RDX: variants seen among roughly 807,000 people sequenced by gnomAD.
RDX encodes deafness, autosomal recessive 24.
A neutral mutation model predicts 83.7 loss-of-function variants in RDX; 32 were observed. That is an observed-to-expected ratio of 0.38 (90% CI 0.29 to 0.51). RDX has a LOEUF of 0.51. Ranked by LOEUF, RDX falls within the 20% of genes least tolerant of loss-of-function variation. The pLI is 0.87. For synonymous variants in RDX, 229 were observed against 222.7 expected (o/e 1.03, Z -0.25); for missense variants, 600 against 689.9 (o/e 0.87, Z 1.46).
At chr11:110,185,164 C>A (rs1862962744) in intron 15 of RDX, 1 of 152,232 alleles carries the variant, frequency 6.6e-6, no homozygotes, top group African/African-American at 2.4e-5. Flanking sequence ...TTTAAAATAG[C>A]AATTTCAGGG....
At chr11:110,226,803 A>G (rs1864450023), downstream of RDX, among the ~76,000 whole-genome samples, 1 of 152,168 alleles carries the variant, frequency 6.6e-6, no homozygotes, top group Admixed American at 6.6e-5. Flanking sequence ...CTCTTTTAGG[A>G]TAACTTTATT....
At chr11:110,286,204 C>G (rs1170253101) in intron 1 of RDX, among the ~76,000 whole-genome samples, 1 of 152,176 alleles carries the variant, frequency 6.6e-6, no homozygotes, top group Non-Finnish European at 1.5e-5. Flanking sequence ...ATATTGTGCT[C>G]TTTTCCATAC....
intron 15 of RDX, among the ~76,000 whole-genome samples, chr11:110,197,768 G>A (rs938149383): frequency 7.9e-5 from 12 of 152,166 alleles, no homozygotes; most frequent in Non-Finnish European, 1.5e-4. Flanking sequence ...TATTGTTTGC[G>A]GCAATCTATG....
rs1421021826 is a variant in RDX at position 110,214,914 on chromosome 11, C to T, written c.1749-15236G>A. Reference sequence around the variant, plus strand: ...CTAGATGACAAGTTAGTGGGTGCAGCGCACCAGCATGGCACATGTATACAT... The same window carrying T: ...CTAGATGACAAGTTAGTGGGTGCAGTGCACCAGCATGGCACATGTATACAT... On this transcript the variant is annotated intron_variant, in intron 14 of 15. Transcript: ENST00000528498. 6.1e-5 allele frequency among the ~76,000 whole-genome samples: 9 copies of T among 147,344 alleles called. No homozygotes were observed. In the South Asian group the frequency reaches 6.6e-4, roughly 11 times the overall value.
chr11:110,237,502 T>A lies in RDX; in HGVS notation c.1241A>T (p.Gln414Leu), dbSNP rs746885384. The A allele has an allele frequency of 6.2e-7, 1 of 1,612,554 alleles. No homozygotes were observed. The highest frequency in any genetic ancestry group is 8.5e-7 in the Non-Finnish European group (1 of 1,179,998). The stretch of plus-strand genomic sequence containing the variant: ...AAGACAGTTCCTTACTAGCTGCTCC[T>A]GATTCTTCATCTGGTCGGCAGCTTG... ...AKQAADQMKN[Q>L]EQLAAELAEF... Residue 414 changes from glutamine (Q) to leucine (L), a missense_variant, in exon 11 of 14, where the codon CAG becomes CTG. Gln to Leu is a moderately radical substitution (Grantham distance 113, BLOSUM62 -2). Transcript: ENST00000645495.
At chr11:110,242,492 A>G (rs960561962) in intron 10 of RDX, among the ~76,000 whole-genome samples, 2 of 151,100 alleles carry the variant, frequency 1.3e-5, no homozygotes, top group African/African-American at 4.9e-5. Flanking sequence ...TCAATGCTTT[A>G]TTTTCTCTCA....
In RDX at chr11:110,254,728, G is replaced by A. The variant is rs941216126; in HGVS notation, c.795+561C>T. ...TCATCTCAGGTGATCTGCTCCTCTC[G>A]AGCCTCCCAAAGTGCTGGGATTATG... On this transcript the variant is annotated intron_variant, in intron 8 of 13. Coordinates refer to ENST00000645495, the MANE Select transcript of RDX (RefSeq NM_002906.4). Among the ~76,000 whole-genome samples, 6 of 151,952 alleles carry A rather than the reference G, an allele frequency of 3.9e-5. No individual in the cohort carries two copies. The South Asian group carries it at 8.3e-4, about 21-fold the overall frequency.
intron 1 of RDX, among the ~76,000 whole-genome samples, chr11:110,289,867 G>A (rs987090653): frequency 7.5e-5 from 11 of 145,876 alleles, no homozygotes; most frequent in South Asian, 2.2e-4. Context: ...GCTGAGGCAG[G>A]TGAATTGCAT....
chr11:110,293,592 T>A (rs576287176), intron 1 of RDX, among the ~76,000 whole-genome samples: 4 of 152,242 alleles, frequency 2.6e-5, no homozygotes, highest in Admixed American at 1.3e-4. Flanking sequence ...GGATCAGTAA[T>A]GCCATGAGAC....
chr11:110,257,496 C>T (rs993037090), intron 7 of RDX, among the ~76,000 whole-genome samples: 1 of 152,124 alleles, frequency 6.6e-6, no homozygotes, highest in Admixed American at 6.5e-5. Flanking sequence ...AGTTACTAGA[C>T]ATAACTCACA....
At chr11:110,201,002 C>T (rs1330012168) in intron 14 of RDX, among the ~76,000 whole-genome samples, 1 of 151,970 alleles carries the variant, frequency 6.6e-6, no homozygotes, top group African/African-American at 2.4e-5. Flanking sequence ...ATAGAGAAAT[C>T]CTGTCTCTAC....
rs1318284643 is a variant in RDX at position 110,230,589 on chromosome 11, C to G, written c.*1280G>C. On this transcript the variant is annotated 3_prime_UTR_variant, in exon 14 of 14. Transcript: ENST00000645495. ...CATACACACACAGAGTACACACACA[C>G]ACACACACACACACACACACAGTCT... The G allele has an allele frequency of 6.6e-6, 1 of 151,526 alleles. No individual in the cohort carries two copies. The highest frequency in any genetic ancestry group is 2.1e-4 in the South Asian group (1 of 4,768). 9.4% of individuals were successfully genotyped at this position (151,526 alleles called of 1,614,324 possible). A position where few individuals can be genotyped will look rare whatever the true frequency, so the allele number is the denominator to read the frequency against.
chr11:110,259,323 TAC>T (rs1859702872), intron 5 of RDX, among the ~76,000 whole-genome samples: 2 of 152,252 alleles, frequency 1.3e-5, no homozygotes, highest in African/African-American at 4.8e-5. Flanking sequence ...CTATGCACAC[TAC>T]AGTTTGTGAC....
downstream of RDX, among the ~76,000 whole-genome samples, chr11:110,224,587 G>T (rs574142492): frequency 1.3e-5 from 2 of 152,300 alleles, no homozygotes; most frequent in East Asian, 3.9e-4. Context: ...GTTCTTGCAT[G>T]TCTTTAATTT....
At chr11:110,209,286 TA>T (rs1294898023) in intron 14 of RDX, among the ~76,000 whole-genome samples, 1 of 151,940 alleles carries the variant, frequency 6.6e-6, no homozygotes, top group Non-Finnish European at 1.5e-5. Flanking sequence ...CCGACGGGCT[TA>T]AAAAACGGCG....
chr11:110,184,248 T>C (rs1431403180), intron 15 of RDX, among the ~76,000 whole-genome samples: 3 of 152,206 alleles, frequency 2.0e-5, no homozygotes, highest in African/African-American at 7.2e-5. Context: ...ATCCCCCTTG[T>C]AGCCAAGAGA....
intron 3 of RDX, among the ~76,000 whole-genome samples, chr11:110,271,907 AT>A (rs1565327322): frequency 1.3e-5 from 2 of 152,190 alleles, no homozygotes; most frequent in African/African-American, 4.8e-5. Context: ...CAGTACCAAC[AT>A]GACTCTGCAA....
chr11:110,294,275 G>C (rs1367371325), intron 1 of RDX, among the ~76,000 whole-genome samples: 1 of 152,176 alleles, frequency 6.6e-6, no homozygotes, highest in East Asian at 1.9e-4. Flanking sequence ...CACGCCTGTA[G>C]TCCCAGCTAC....
intron 10 of RDX, among the ~76,000 whole-genome samples, chr11:110,246,997 A>C (rs1382107214): frequency 2.6e-5 from 4 of 152,210 alleles, no homozygotes; most frequent in Non-Finnish European, 5.9e-5. Flanking sequence ...CTGCTTAGAG[A>C]GGAGAAAAAC....
Sources: allele counts gnomAD v4.1 joint callset (sites outside exome capture counted in the v4.1 genomes callset), GRCh38; gene constraint gnomAD v4.1.1; transcripts MANE v1.5; gene names NCBI Gene and HGNC (gene_info 2026-07-23, HGNC 2026-07-21).